Variants in DAAM1 observed in about 807,000 individuals in gnomAD.
The protein encoded by DAAM1 is dishevelled associated activator of morphogenesis 1.
A neutral mutation model predicts 130.0 loss-of-function variants in DAAM1; 52 were observed. The observed-to-expected ratio is 0.40, with a 90% CI of 0.32 to 0.50. The LOEUF (loss-of-function observed/expected upper bound fraction) is 0.50. Ranked by LOEUF, DAAM1 falls within the 20% of genes least tolerant of loss-of-function variation. The probability of loss-of-function intolerance (pLI) is 0.61; values close to 1 mark genes in which losing one functional copy is unlikely to be tolerated. For synonymous variants in DAAM1, 452 were observed against 444.5 expected, an observed-to-expected ratio of 1.02 and a Z score of -0.21; for missense variants, 1,134 against 1,303.8, an observed-to-expected ratio of 0.87 and a Z score of 2.01.
chr14:59,277,972 A>G (rs1456525745), intron 2 of DAAM1, among the ~76,000 whole-genome samples: 1 of 152,150 alleles, frequency 6.6e-6, no homozygotes, highest in African/African-American at 2.4e-5. Context: ...AACGCTATAT[A>G]TACTATGTTT....
chr14:59,319,492 TAC>T (rs907728660), intron 4 of DAAM1, among the ~76,000 whole-genome samples: 36 of 152,158 alleles, frequency 2.4e-4, no homozygotes, highest in Non-Finnish European at 7.3e-5. Flanking sequence ...TCTTTTTCAA[TAC>T]AGTCACCCCA....
chr14:59,331,600 T>C, intron 14 of DAAM1, 92 bp downstream of exon 14: 2 of 1,510,958 alleles, frequency 1.3e-6, no homozygotes, highest in Non-Finnish European at 8.8e-7. Flanking sequence ...GGCTGTTAAA[T>C]GATTTCATTT....
chr14:59,296,489 T>C (rs1190419460), intron 3 of DAAM1, among the ~76,000 whole-genome samples: 1 of 152,090 alleles, frequency 6.6e-6, no homozygotes, highest in African/African-American at 2.4e-5. Context: ...ATAAGCCAAA[T>C]TTCTTGGAGT....
intron 1 of DAAM1, among the ~76,000 whole-genome samples, chr14:59,198,207 C>CTTT (rs751141772): frequency 4.5e-5 from 6 of 133,424 alleles, no homozygotes; most frequent in South Asian, 2.3e-4. Flanking sequence ...TCTTTTCTTT[C>CTTT]TTTTTTTTTT....
chr14:59,257,634 G>A (rs1435052858), intron 1 of DAAM1, among the ~76,000 whole-genome samples: 1 of 152,200 alleles, frequency 6.6e-6, no homozygotes, highest in Admixed American at 6.5e-5. Flanking sequence ...AGGGTATTGG[G>A]AGATGTGGGC....
chr14:59,228,277 C>T (rs1309067494), intron 1 of DAAM1, among the ~76,000 whole-genome samples: 1 of 151,928 alleles, frequency 6.6e-6, no homozygotes, highest in Non-Finnish European at 1.5e-5. Context: ...GACAAAGTTC[C>T]AAGGATCTAA....
intron 1 of DAAM1, among the ~76,000 whole-genome samples, chr14:59,240,293 A>G (rs1190186573): frequency 6.6e-6 from 1 of 152,128 alleles, no homozygotes; most frequent in Admixed American, 6.5e-5. Context: ...TATCACGCAT[A>G]TACAAATTAG....
intron 2 of DAAM1, among the ~76,000 whole-genome samples, chr14:59,268,777 T>C (rs570648435): frequency 2.9e-4 from 44 of 152,088 alleles, no homozygotes; most frequent in Non-Finnish European, 5.3e-4. Flanking sequence ...CTCTACCTCC[T>C]CCCCTCTCCC....
intron 3 of DAAM1, among the ~76,000 whole-genome samples, chr14:59,293,055 C>T (rs772338793): frequency 6.6e-6 from 1 of 152,176 alleles, no homozygotes; most frequent in Non-Finnish European, 1.5e-5. Flanking sequence ...TAAAAATCTG[C>T]TGCTAGAACC....
intron 1 of DAAM1, among the ~76,000 whole-genome samples, chr14:59,245,161 A>G (rs1020892499): frequency 3.9e-5 from 6 of 152,312 alleles, no homozygotes; most frequent in Admixed American, 3.9e-4. Context: ...CATCCTTCAA[A>G]TGCAAAGACT....
intron 20 of DAAM1, among the ~76,000 whole-genome samples, chr14:59,357,885 C>A (rs1218326245): frequency 6.6e-6 from 1 of 152,006 alleles, no homozygotes; most frequent in Non-Finnish European, 1.5e-5. Flanking sequence ...TGTTTTCTAA[C>A]TATTGAGAGA....
intron 1 of DAAM1, among the ~76,000 whole-genome samples, chr14:59,210,287 A>T (rs1413820552): frequency 6.6e-6 from 1 of 152,234 alleles, no homozygotes. Context: ...ATTATCTGTG[A>T]TTGGACAACT....
chr14:59,241,653 A>G (rs1881122679), intron 1 of DAAM1, among the ~76,000 whole-genome samples: 1 of 152,256 alleles, frequency 6.6e-6, no homozygotes. Flanking sequence ...CAATTCAAAC[A>G]TCGGAAGCAG....
intron 3 of DAAM1, among the ~76,000 whole-genome samples, chr14:59,312,935 C>G (rs1208488750): frequency 6.6e-6 from 1 of 152,166 alleles, no homozygotes; most frequent in Non-Finnish European, 1.5e-5. Context: ...TCAGTGCAGG[C>G]TGAGAGCAAG....
chr14:59,296,394 T>C (rs1469743841), intron 3 of DAAM1, among the ~76,000 whole-genome samples: 1 of 152,134 alleles, frequency 6.6e-6, no homozygotes, highest in African/African-American at 2.4e-5. Context: ...TGTGATTTGT[T>C]TGATGTGTAT....
intron 1 of DAAM1, among the ~76,000 whole-genome samples, chr14:59,211,477 G>A (rs1888424212): frequency 6.6e-6 from 1 of 152,312 alleles, no homozygotes; most frequent in East Asian, 1.9e-4. Flanking sequence ...TCTGGAGGAA[G>A]GCTGCTGCTG....
intron 6 of DAAM1, among the ~76,000 whole-genome samples, chr14:59,323,585 A>G (rs1885100297): frequency 6.6e-6 from 1 of 152,176 alleles, no homozygotes; most frequent in Non-Finnish European, 1.5e-5. Flanking sequence ...TCACTATATT[A>G]CTTGGATGTA....
At chr14:59,327,410 T>C (rs1485651482) in intron 12 of DAAM1, among the ~76,000 whole-genome samples, 1 of 125,182 alleles carries the variant, frequency 8.0e-6, no homozygotes, top group Non-Finnish European at 1.7e-5. Flanking sequence ...TTCTTTTTTT[T>C]TTTTTTTTTT....
chr14:59,195,223 A>C (rs1366483460), intron 1 of DAAM1, among the ~76,000 whole-genome samples: 1 of 148,300 alleles, frequency 6.7e-6, no homozygotes, highest in African/African-American at 2.5e-5. Flanking sequence ...AGCTCACTGC[A>C]AGCTCCGCCT....
Sources: gnomAD v4.1 joint callset for allele counts (sites outside exome capture counted in the v4.1 genomes callset) on GRCh38, gnomAD v4.1.1 for gene constraint, MANE v1.5 for transcripts, NCBI Gene and HGNC (gene_info 2026-07-23, HGNC 2026-07-21) for gene names.